Variants in WFDC11 observed in about 807,000 individuals in gnomAD.
The protein encoded by WFDC11 is protein WFDC11.
WFDC11 carries 9 observed loss-of-function variants against 9.9 expected under a neutral mutation model. That is an observed-to-expected ratio of 0.91 (90% confidence interval 0.55 to 1.58). WFDC11 has a LOEUF of 1.58. WFDC11 is among the 40% of genes most tolerant of loss of function. The pLI is 0.00. For synonymous variants in WFDC11, 32 were observed against 33.3 expected, an observed-to-expected ratio of 0.96 and a Z score of 0.13; for missense variants, 106 against 101.7, an observed-to-expected ratio of 1.04 and a Z score of -0.18.
At chr20:45,662,876 A>G (rs1983101878) in intron 2 of WFDC11, among the ~76,000 whole-genome samples, 1 of 152,198 alleles carries the variant, frequency 6.6e-6, no homozygotes, top group Non-Finnish European at 1.5e-5. Context: ...TTGGTATAAA[A>G]TTATCTTTTA....
intron 2 of WFDC11, among the ~76,000 whole-genome samples, chr20:45,652,344 A>G (rs928449113): frequency 2.6e-5 from 4 of 152,214 alleles, no homozygotes; most frequent in African/African-American, 9.7e-5. Flanking sequence ...GACCTCGAGC[A>G]AACTCCAATA....
chr20:45,666,626 A>G (rs920241328), intron 2 of WFDC11, among the ~76,000 whole-genome samples: 1 of 152,238 alleles, frequency 6.6e-6, no homozygotes, highest in Non-Finnish European at 1.5e-5. Context: ...ACAGTTATCA[A>G]CTTTGTTAAA....
intron 1 of WFDC11, among the ~76,000 whole-genome samples, chr20:45,667,564 T>C (rs1186935547): frequency 6.6e-6 from 1 of 152,222 alleles, no homozygotes; most frequent in Non-Finnish European, 1.5e-5. Flanking sequence ...AACACCACCT[T>C]ATCAGCAATC....
intron 2 of WFDC11, among the ~76,000 whole-genome samples, chr20:45,657,219 G>A (rs1183823429): frequency 6.6e-6 from 1 of 152,160 alleles, no homozygotes; most frequent in African/African-American, 2.4e-5. Flanking sequence ...TTAAGAAAAT[G>A]TGGCACATAT....
intron 2 of WFDC11, among the ~76,000 whole-genome samples, chr20:45,664,088 C>T (rs1340609227): frequency 6.6e-6 from 1 of 152,146 alleles, no homozygotes; most frequent in Admixed American, 6.6e-5. Context: ...TAAGGACTTG[C>T]TTTATGAATC....
At chr20:45,650,741 T>G in intron 2 of WFDC11, 90 bp from the exon 3 acceptor site, 3 of 713,972 alleles carry the variant, frequency 4.2e-6, no homozygotes, top group Non-Finnish European at 7.1e-6. Context: ...CTTCTCACTA[T>G]TCCCCCTAGG....
intron 2 of WFDC11, among the ~76,000 whole-genome samples, chr20:45,652,618 G>A (rs986734439): frequency 6.6e-6 from 1 of 151,192 alleles, no homozygotes; most frequent in Non-Finnish European, 1.5e-5. Flanking sequence ...GGCTTCAGAC[G>A]ATCAAACTAC....
At chr20:45,664,217 G>C (rs1320059237) in intron 2 of WFDC11, among the ~76,000 whole-genome samples, 1 of 152,050 alleles carries the variant, frequency 6.6e-6, no homozygotes, top group Non-Finnish European at 1.5e-5. Flanking sequence ...TTTAAAGTCT[G>C]TTTTATCAGA....
chr20:45,666,580 C>G (rs1983193227), intron 2 of WFDC11, among the ~76,000 whole-genome samples: 1 of 152,182 alleles, frequency 6.6e-6, no homozygotes, highest in Non-Finnish European at 1.5e-5. Flanking sequence ...ATGAGTATTT[C>G]TTATCAACCT....
intron 2 of WFDC11, among the ~76,000 whole-genome samples, chr20:45,652,641 G>T (rs1349896598): frequency 6.6e-6 from 1 of 152,100 alleles, no homozygotes; most frequent in Non-Finnish European, 1.5e-5. Flanking sequence ...TGAGCTAAAG[G>T]AGGAAGTTCG....
Position 45,650,614 on chromosome 20 carries a change from T to C in WFDC11, c.-14A>G, listed in dbSNP as rs755133140. ...GAGGCTGACCATATGTGTCTGAATA[T>C]GTGTTGTCAGAAGGATTATTTTTCT... On this transcript the variant is annotated 5_prime_UTR_variant, in exon 3 of 5. Coordinates refer to ENST00000324384, the MANE Select transcript of WFDC11 (RefSeq NM_147197.2). 1.9e-6 allele frequency: 3 copies of C among 1,605,152 alleles called. No homozygotes were observed. The highest frequency in any genetic ancestry group is 1.7e-5 in the Admixed American group (1 of 59,974).
At chr20:45,658,075 A>G (rs533224837) in intron 2 of WFDC11, among the ~76,000 whole-genome samples, 1 of 152,308 alleles carries the variant, frequency 6.6e-6, no homozygotes, top group Admixed American at 6.5e-5. Flanking sequence ...AAAACTATTT[A>G]TAGGACATAT....
At chr20:45,654,503 A>C (rs1208995901) in intron 2 of WFDC11, among the ~76,000 whole-genome samples, 1 of 152,220 alleles carries the variant, frequency 6.6e-6, no homozygotes, top group Non-Finnish European at 1.5e-5. Flanking sequence ...CTGACACCCT[A>C]ACATCACAAT....
Position 45,652,282 on chromosome 20 carries a change from C to T in WFDC11, c.-51-1631G>A, listed in dbSNP as rs150191728. ...GCAACATTTGCTGTTCACCAATCTC[C>T]GCTGTTGTGCAGCCTCCACTGCTGA... On this transcript the variant is annotated intron_variant, in intron 2 of 4. Transcript: ENST00000324384. Among the ~76,000 whole-genome samples, 847 of 152,270 alleles carry T rather than the reference C, an allele frequency of 5.6e-3. 6 individuals are homozygous for T. Among genetic ancestry groups the T allele is most frequent in the African/African-American group, 0.019 (807 of 41,556 alleles).
rs748194215 is a variant in WFDC11 at position 45,650,629 on chromosome 20, A to T, written c.-29T>A. The T allele has an allele frequency of 6.3e-7, 1 of 1,588,946 alleles. No individual in the cohort carries two copies. Among genetic ancestry groups the T allele is most frequent in the Admixed American group, 1.7e-5 (1 of 59,942 alleles). On this transcript the variant is annotated 5_prime_UTR_variant, in exon 3 of 5. Transcript: ENST00000324384. ...TGTCTGAATATGTGTTGTCAGAAGG[A>T]TTATTTTTCTTCCCAGTCGCTGCTA...
intron 2 of WFDC11, among the ~76,000 whole-genome samples, chr20:45,654,759 G>T (rs1465423469): frequency 2.0e-5 from 3 of 152,066 alleles, no homozygotes; most frequent in Admixed American, 2.0e-4. Flanking sequence ...TATCAACACC[G>T]ATCCCACAGA....
At chr20:45,651,097 T>TAA (rs1294792068) in intron 2 of WFDC11, among the ~76,000 whole-genome samples, 6 of 152,328 alleles carry the variant, frequency 3.9e-5, no homozygotes, top group Non-Finnish European at 8.8e-5. Context: ...ACCCCAGTGT[T>TAA]GGTTGTTCCT....
In WFDC11 at chr20:45,658,883, G is replaced by A. The variant is rs541322777; in HGVS notation, c.-52+8205C>T. ...CTATCCCTCCCCCACATCCCCCGCC[G>A]ACAGGCCCAGGTGTGTGATGCCCAC... On this transcript the variant is annotated intron_variant, in intron 2 of 4. Transcript: ENST00000324384. Among the ~76,000 whole-genome samples the A allele has an allele frequency of 7.5e-4, 103 of 137,524 alleles. No individual in the cohort carries two copies. The South Asian group carries it at 0.023, about 30-fold the overall frequency. The allele number at this position is 137,524 out of a possible 152,430, so 90.2% of individuals were successfully genotyped here.
At chr20:45,658,270 A>G (rs1982978618) in intron 2 of WFDC11, among the ~76,000 whole-genome samples, 1 of 152,166 alleles carries the variant, frequency 6.6e-6, no homozygotes, top group Non-Finnish European at 1.5e-5. Context: ...TTAAGTTTGC[A>G]ATACAGTATT....
Sources: allele counts gnomAD v4.1 joint callset (sites outside exome capture counted in the v4.1 genomes callset), GRCh38; gene constraint gnomAD v4.1.1; transcripts MANE v1.5; gene names NCBI Gene and HGNC (gene_info 2026-07-23, HGNC 2026-07-21).